The following REPS2 variants were observed in gnomAD, a reference collection of about 807,000 sequenced individuals.
REPS2 encodes the protein RALBP1 associated Eps domain containing 2.
Under a neutral mutation model 53.6 loss-of-function variants are expected in REPS2, and 23 were observed. The observed-to-expected ratio is 0.43, with a 90% confidence interval of 0.31 to 0.61. The LOEUF is 0.61. Among genes scored for constraint, REPS2 ranks in the 20% least tolerant of loss-of-function variants. The probability of loss-of-function intolerance (pLI) is 0.11; values close to 1 mark genes in which losing one functional copy is unlikely to be tolerated. For synonymous variants in REPS2, 238 were observed against 218.6 expected (o/e 1.09, Z -0.78); for missense variants, 446 against 534.9 (o/e 0.83, Z 1.64).
intron 1 of REPS2, among the ~76,000 whole-genome samples, chrX:16,999,216 A>G (rs1035051278): frequency 8.9e-6 from 1 of 111,741 alleles, no homozygotes; most frequent in African/African-American, 3.3e-5. Context: ...ATTAATGACC[A>G]TATACATGTG....
the REPS2 span, among the ~76,000 whole-genome samples, chrX:17,159,384 T>C: frequency 9.0e-6 from 1 of 111,682 alleles, no homozygotes; most frequent in Admixed American, 9.5e-5. Flanking sequence ...CTTACTTAAG[T>C]TGGAGGCAAT....
At chrX:17,077,149 G>T (rs1199746883) in intron 12 of REPS2, 122 bp from the exon 13 acceptor site, 1 of 725,423 alleles carries the variant, frequency 1.4e-6, no homozygotes, top group Non-Finnish European at 2.0e-6. Flanking sequence ...ATTTATGGCT[G>T]CTTTGGTAGC....
intron 1 of REPS2, among the ~76,000 whole-genome samples, chrX:16,978,789 C>T (rs2060986891): frequency 8.9e-6 from 1 of 112,042 alleles, no homozygotes; most frequent in Admixed American, 9.5e-5. Flanking sequence ...AACAGATGTT[C>T]CTTGGACAAG....
intron 13 of REPS2, among the ~76,000 whole-genome samples, chrX:17,101,346 G>T (rs766540911): frequency 1.8e-5 from 2 of 111,130 alleles, no homozygotes; most frequent in East Asian, 5.7e-4. Flanking sequence ...ACAAGCGTGA[G>T]CCATCGCGCC....
the REPS2 span, among the ~76,000 whole-genome samples, chrX:17,160,586 G>T: frequency 8.9e-6 from 1 of 112,458 alleles, no homozygotes; most frequent in Non-Finnish European, 1.9e-5. Context: ...ATCTTAAATG[G>T]AAGAAGGCTG....
chrX:17,119,868 C>CTTTTT (rs35141257), intron 14 of REPS2, among the ~76,000 whole-genome samples: 1 of 40,516 alleles, frequency 2.5e-5, no homozygotes, highest in Non-Finnish European at 3.9e-5. Context: ...CGCACTGTGA[C>CTTTTT]TTTTTTTTTT....
intron 4 of REPS2, among the ~76,000 whole-genome samples, chrX:17,028,759 T>G (rs1450252539): frequency 8.9e-6 from 1 of 112,397 alleles, no homozygotes; most frequent in Non-Finnish European, 1.9e-5. Flanking sequence ...TATTTATATA[T>G]TTTCAAAAAC....
intron 6 of REPS2, among the ~76,000 whole-genome samples, chrX:17,050,133 C>CCTTCCTTCCTTCCTTTCTTT (rs1569148127): frequency 2.7e-5 from 1 of 36,702 alleles, no homozygotes; most frequent in Non-Finnish European, 5.2e-5. Flanking sequence ...TTTCTTTCTT[C>CCTTCCTTCCTTCCTTTCTTT]CTTTCTTCCT....
At chrX:17,178,888 C>CAA in the REPS2 span, among the ~76,000 whole-genome samples, 224 of 65,382 alleles carry the variant, frequency 3.4e-3, no homozygotes, top group African/African-American at 0.012. Context: ...GACTCGGTCT[C>CAA]AAAAAAAAAA....
intron 5 of REPS2, among the ~76,000 whole-genome samples, chrX:17,043,510 C>G (rs114448827): frequency 0.035 from 3,795 of 108,990 alleles, 166 homozygotes; most frequent in African/African-American, 0.12. Context: ...TCTTGCCCCC[C>G]CCCCCGGCTT....
At chrX:17,050,141 C>CCTTCCTTTCTTT (rs1555926667) in intron 6 of REPS2, among the ~76,000 whole-genome samples, 557 of 20,222 alleles carry the variant, frequency 0.028, 13 homozygotes, top group Non-Finnish European at 0.043. Context: ...TTCCTTTCTT[C>CCTTCCTTTCTTT]CTTTCTTTCT....
chrX:16,974,321 A>G (rs967010992), intron 1 of REPS2, among the ~76,000 whole-genome samples: 4 of 111,305 alleles, frequency 3.6e-5, no homozygotes, highest in African/African-American at 1.3e-4. Context: ...ATTTTGAACA[A>G]TGACAAATTT....
chrX:17,067,204 G>A (rs754150938), intron 9 of REPS2, among the ~76,000 whole-genome samples: 31 of 112,096 alleles, frequency 2.8e-4, no homozygotes, highest in Non-Finnish European at 5.1e-4. Flanking sequence ...TCTTTCCAGA[G>A]TTTGTGTATA....
intron 1 of REPS2, among the ~76,000 whole-genome samples, chrX:16,966,454 A>G (rs2060770889): frequency 8.9e-6 from 1 of 112,100 alleles, no homozygotes; most frequent in South Asian, 3.7e-4. Flanking sequence ...TCTCTTGGGG[A>G]TGGGACCCAA....
chrX:16,964,944 C>T (rs1291015729), intron 1 of REPS2, among the ~76,000 whole-genome samples: 1 of 77,779 alleles, frequency 1.3e-5, no homozygotes, highest in Non-Finnish European at 2.5e-5. Context: ...CCGGACGGGG[C>T]GGCTGGCCGG....
At chrX:16,955,810 C>T (rs2060585217) in intron 1 of REPS2, among the ~76,000 whole-genome samples, 1 of 111,768 alleles carries the variant, frequency 8.9e-6, no homozygotes, top group Non-Finnish European at 1.9e-5. Flanking sequence ...GAGAATTTTG[C>T]GGGGGACACC....
intron 8 of REPS2, 114 bp from the exon 9 acceptor site, chrX:17,062,324 T>C (rs139118675): frequency 7.4e-5 from 39 of 524,417 alleles, no homozygotes; most frequent in Non-Finnish European, 1.1e-4. Context: ...ATGTGGTCTA[T>C]CAGAGCTAGC....
chrX:17,021,716 A>C (rs1013168844), intron 2 of REPS2, among the ~76,000 whole-genome samples: 1 of 112,521 alleles, frequency 8.9e-6, no homozygotes, highest in Admixed American at 9.4e-5. Flanking sequence ...AGTTGTTGTG[A>C]GGATTAAATG....
the REPS2 span, among the ~76,000 whole-genome samples, chrX:17,186,165 A>G: frequency 4.5e-5 from 5 of 112,359 alleles, no homozygotes; most frequent in Admixed American, 1.9e-4. Flanking sequence ...TGTGCTGAAT[A>G]TCTTGAGGAC....
Sources: gnomAD v4.1 joint callset for allele counts (sites outside exome capture counted in the v4.1 genomes callset) on GRCh38, gnomAD v4.1.1 for gene constraint, MANE v1.5 for transcripts, NCBI Gene and HGNC (gene_info 2026-07-23, HGNC 2026-07-21) for gene names.